Variants in TNS3 observed in about 807,000 individuals in gnomAD.
TNS3 encodes the protein tensin-3.
TNS3 carries 45 observed loss-of-function variants against 140.9 expected under a neutral mutation model. The ratio of observed to expected loss-of-function variants is 0.32; its 90% CI spans 0.25 to 0.41. The LOEUF (loss-of-function observed/expected upper bound fraction) is 0.41, where lower values mean the gene tolerates loss of function less well. Among genes scored for constraint, TNS3 ranks in the 10% least tolerant of loss-of-function variants. The probability of loss-of-function intolerance (pLI) is 1.00; values close to 1 mark genes in which losing one functional copy is unlikely to be tolerated. For synonymous variants in TNS3, 815 were observed against 788.4 expected, an observed-to-expected ratio of 1.03 and a Z score of -0.56; for missense variants, 1,716 against 1,906.7, an observed-to-expected ratio of 0.90 and a Z score of 1.86.
At chr7:47,333,732 C>G (rs568947027) in intron 20 of TNS3, among the ~76,000 whole-genome samples, 26 of 152,316 alleles carry the variant, frequency 1.7e-4, no homozygotes, top group African/African-American at 4.8e-4. Context: ...AAAATAATCT[C>G]TCTGTCTCTG....
At chr7:47,548,177 G>A (rs1229804065) in intron 1 of TNS3, among the ~76,000 whole-genome samples, 1 of 152,160 alleles carries the variant, frequency 6.6e-6, no homozygotes, top group Non-Finnish European at 1.5e-5. Context: ...TGGGATTATA[G>A]GGGTGAGTCA....
At chr7:47,458,242 C>G (rs1796338440) in intron 4 of TNS3, among the ~76,000 whole-genome samples, 1 of 152,222 alleles carries the variant, frequency 6.6e-6, no homozygotes, top group South Asian at 2.1e-4. Flanking sequence ...TAGGCCAGGG[C>G]CCACGGGCTC....
rs557449853 is a variant in TNS3 at position 47,368,665 on chromosome 7, G to A, written c.1981C>T (p.Pro661Ser). The stretch of plus-strand genomic sequence containing the variant: ...AACCTGGGTTTGAACGCTTTGCTGG[G>A]AGAGGGCTGCTGTGTGTCAGGGGGA... ...PHPPDTQQPS[P>S]SKAFKPRFPG... The change falls in exon 17 of 31, where the codon CCC (proline) becomes TCC (serine). Residue 661 changes from proline (P) to serine (S), a missense_variant. Physicochemically the swap from Pro to Ser is moderately conservative, Grantham distance 74. Around this residue, in one of 3 missense-constraint regions of TNS3, gnomAD observed 1,163 missense variants for 1,182.1 expected, o/e 0.98. Transcript: ENST00000311160. 23 of 1,600,580 alleles carry A rather than the reference G, an allele frequency of 1.4e-5. No homozygotes were observed. In the East Asian group the frequency reaches 4.7e-4, roughly 33 times the overall value.
intron 13 of TNS3, among the ~76,000 whole-genome samples, chr7:47,406,490 G>A (rs1793456537): frequency 6.6e-6 from 1 of 152,208 alleles, no homozygotes; most frequent in South Asian, 2.1e-4. Flanking sequence ...CCAGGCAGAT[G>A]TCCCTGCAGG....
chr7:47,309,330 T>C (rs1269940405), intron 20 of TNS3, among the ~76,000 whole-genome samples: 1 of 152,098 alleles, frequency 6.6e-6, no homozygotes, highest in Non-Finnish European at 1.5e-5. Flanking sequence ...TATTCAATAA[T>C]TATAAATTAT....
intron 1 of TNS3, among the ~76,000 whole-genome samples, chr7:47,556,458 C>T (rs1466891484): frequency 1.3e-5 from 2 of 152,122 alleles, no homozygotes; most frequent in Admixed American, 1.3e-4. Flanking sequence ...GTCCTGGGGC[C>T]CTAGGAGCCT....
chr7:47,394,424 G>T (rs1792708800), intron 16 of TNS3, among the ~76,000 whole-genome samples: 1 of 152,162 alleles, frequency 6.6e-6, no homozygotes, highest in Non-Finnish European at 1.5e-5. Context: ...AATCCGCCAG[G>T]CTGGCTGCCT....
intron 1 of TNS3, among the ~76,000 whole-genome samples, chr7:47,569,183 G>T (rs1219145260): frequency 6.6e-6 from 1 of 152,234 alleles, no homozygotes; most frequent in Non-Finnish European, 1.5e-5. Flanking sequence ...GGGGAGAGGA[G>T]ACATTTTCCC....
chr7:47,469,498 C>T (rs1287167319), intron 4 of TNS3, among the ~76,000 whole-genome samples: 3 of 152,220 alleles, frequency 2.0e-5, no homozygotes, highest in African/African-American at 7.2e-5. Context: ...GTGGAGATTT[C>T]TCAAAGAACT....
At chr7:47,494,315 G>C (rs567409702) in intron 3 of TNS3, among the ~76,000 whole-genome samples, 1 of 152,334 alleles carries the variant, frequency 6.6e-6, no homozygotes, top group African/African-American at 2.4e-5. Context: ...TCCAGCTCTT[G>C]CTGGGCAGTG....
chr7:47,339,534 G>T (rs570593670), intron 20 of TNS3, among the ~76,000 whole-genome samples: 4 of 152,150 alleles, frequency 2.6e-5, no homozygotes, highest in Non-Finnish European at 5.9e-5. Context: ...TCTCTACTCT[G>T]TTTCATGAAC....
chr7:47,334,219 C>T (rs1024146967), intron 20 of TNS3, among the ~76,000 whole-genome samples: 5 of 152,324 alleles, frequency 3.3e-5, no homozygotes, highest in African/African-American at 1.2e-4. Flanking sequence ...CAGCCCTTCA[C>T]AAAACCTCCA....
chr7:47,530,838 A>AAAAATAT, intron 1 of TNS3, among the ~76,000 whole-genome samples: 14 of 54,564 alleles, frequency 2.6e-4, no homozygotes, highest in African/African-American at 7.9e-4. Flanking sequence ...AAAAAAAAAA[A>AAAAATAT]ATATATATAT....
chr7:47,421,804 T>C (rs988287857), intron 10 of TNS3, among the ~76,000 whole-genome samples: 1 of 152,160 alleles, frequency 6.6e-6, no homozygotes, highest in Non-Finnish European at 1.5e-5. Flanking sequence ...AACTGCTCCA[T>C]GGCGTTTCAG....
chr7:47,529,000 G>T, intron 2 of TNS3, 36 bp downstream of exon 2: 3 of 1,186,978 alleles, frequency 2.5e-6, no homozygotes, highest in South Asian at 1.4e-5. Context: ...TTTTGCTCTG[G>T]ATTAATCAGT....
intron 17 of TNS3, 81 bp from the exon 18 acceptor site, chr7:47,346,437 G>A (rs1166010044): frequency 6.5e-7 from 1 of 1,533,324 alleles, no homozygotes; most frequent in Non-Finnish European, 8.9e-7. Flanking sequence ...CTTGCCTGCT[G>A]CTTCTCAAAG....
intron 1 of TNS3, among the ~76,000 whole-genome samples, chr7:47,577,435 G>A (rs1164238812): frequency 1.3e-5 from 2 of 152,202 alleles, no homozygotes; most frequent in Non-Finnish European, 2.9e-5. Context: ...TGGGGCTGGC[G>A]CACTGGCTGA....
At chr7:47,425,955 A>G (rs1794623203) in intron 9 of TNS3, among the ~76,000 whole-genome samples, 1 of 152,092 alleles carries the variant, frequency 6.6e-6, no homozygotes, top group Admixed American at 6.6e-5. Flanking sequence ...TCAAAAATAT[A>G]TGTATAAGAA....
At chr7:47,299,630 G>A (rs902170557) in intron 23 of TNS3, among the ~76,000 whole-genome samples, 8 of 152,194 alleles carry the variant, frequency 5.3e-5, no homozygotes, top group Middle Eastern at 3.2e-3. Context: ...GCTTTGCTCC[G>A]ACCAGTTCTC....
Sources: gnomAD v4.1 joint callset for allele counts (sites outside exome capture counted in the v4.1 genomes callset) on GRCh38, gnomAD v4.1.1 for gene constraint, gnomAD v4.1.1 regional missense constraint, MANE v1.5 for transcripts, NCBI Gene and HGNC (gene_info 2026-07-23, HGNC 2026-07-21) for gene names.